SPIRE1: variants seen among roughly 807,000 people sequenced by gnomAD.
SPIRE1 encodes spire type actin nucleation factor 1.
Under a neutral mutation model 94.1 loss-of-function variants are expected in SPIRE1, and 40 were observed. The ratio of observed to expected loss-of-function variants is 0.43; its 90% CI spans 0.33 to 0.55. SPIRE1 has a LOEUF of 0.55. SPIRE1 is among the 20% of genes least tolerant of loss of function. The pLI, the probability that SPIRE1 is intolerant of heterozygous loss-of-function variation, is 0.06. For synonymous variants in SPIRE1, 376 were observed against 371.7 expected (o/e 1.01, Z -0.13); for missense variants, 838 against 975.2 (o/e 0.86, Z 1.87).
At chr18:12,652,013 G>A (rs1331300700) in intron 1 of SPIRE1, among the ~76,000 whole-genome samples, 6 of 152,078 alleles carry the variant, frequency 3.9e-5, no homozygotes, top group Non-Finnish European at 8.8e-5. Flanking sequence ...CTAAACTAAA[G>A]GTACATCAAA....
intron 2 of SPIRE1, among the ~76,000 whole-genome samples, chr18:12,604,189 C>G (rs1407200016): frequency 6.6e-6 from 1 of 152,160 alleles, no homozygotes; most frequent in African/African-American, 2.4e-5. Context: ...CAATTTAGAA[C>G]AGATGGGTCA....
intron 8 of SPIRE1, among the ~76,000 whole-genome samples, chr18:12,489,223 G>A (rs1392438323): frequency 2.0e-5 from 3 of 152,066 alleles, no homozygotes; most frequent in Middle Eastern, 3.4e-3. Flanking sequence ...AACTTATCTC[G>A]GAAAAGTTTT....
intron 2 of SPIRE1, among the ~76,000 whole-genome samples, chr18:12,564,037 A>G (rs1359628614): frequency 6.6e-6 from 1 of 152,208 alleles, no homozygotes; most frequent in Non-Finnish European, 1.5e-5. Context: ...ATGTTGCATA[A>G]AAGGGGCTTT....
At chr18:12,605,035 G>A (rs915938435) in intron 2 of SPIRE1, among the ~76,000 whole-genome samples, 3 of 151,822 alleles carry the variant, frequency 2.0e-5, no homozygotes, top group Admixed American at 6.5e-5. Flanking sequence ...ATGAGTAACT[G>A]GTCAAATGCA....
chr18:12,563,862 T>C (rs9946557), intron 2 of SPIRE1, among the ~76,000 whole-genome samples: 12,761 of 152,234 alleles, frequency 0.084, 685 homozygotes, highest in Middle Eastern at 0.16. Flanking sequence ...TCTATTTTTA[T>C]GTACAAAAGC....
At chr18:12,609,210 C>T (rs566075548) in intron 2 of SPIRE1, among the ~76,000 whole-genome samples, 3 of 152,108 alleles carry the variant, frequency 2.0e-5, no homozygotes, top group Admixed American at 6.6e-5. Flanking sequence ...GTCTGTGGCC[C>T]GGGGATTGCA....
intron 2 of SPIRE1, among the ~76,000 whole-genome samples, chr18:12,567,667 TAACAA>T (rs2035850978): frequency 2.6e-5 from 4 of 152,148 alleles, no homozygotes; most frequent in Admixed American, 2.6e-4. Context: ...GGGGAAGGAT[TAACAA>T]AATATAAATT....
Position 12,637,358 on chromosome 18 carries a change from CAA to C in SPIRE1, c.338-2264_338-2263del, listed in dbSNP as rs55649398. Among the ~76,000 whole-genome samples, 38 of 101,808 alleles carry C rather than the reference CAA, an allele frequency of 3.7e-4. 1 individual carries two copies. Among genetic ancestry groups the C allele is most frequent in the South Asian group, 6.3e-4 (2 of 3,158 alleles). 66.8% of individuals were successfully genotyped at this position (101,808 alleles called of 152,430 possible). A position where few individuals can be genotyped will look rare whatever the true frequency, so the allele number is the denominator to read the frequency against. On this transcript the variant is annotated intron_variant, in intron 1 of 16. Transcript: ENST00000409402. ...TGGGTGACAGAGTGAGACTCTGTCTCAAAAAAAAAAAAAAAAAAGAGTATGTG... is the reference window on the plus strand; with the variant it reads ...TGGGTGACAGAGTGAGACTCTGTCTCAAAAAAAAAAAAAAAAGAGTATGTG...
upstream of SPIRE1, chr18:12,661,436 G>A: frequency 1.4e-6 from 1 of 716,468 alleles, no homozygotes; most frequent in Non-Finnish European, 1.7e-6. Flanking sequence ...GCACCCCTGT[G>A]GAATAACAGC....
intron 2 of SPIRE1, among the ~76,000 whole-genome samples, chr18:12,602,665 A>T (rs2036869668): frequency 6.6e-6 from 1 of 152,226 alleles, no homozygotes; most frequent in Non-Finnish European, 1.5e-5. Flanking sequence ...AGAAGCAGCC[A>T]GGAGGCTGCA....
chr18:12,619,849 A>G (rs1306550448), intron 2 of SPIRE1, among the ~76,000 whole-genome samples: 5 of 45,578 alleles, frequency 1.1e-4, no homozygotes, highest in South Asian at 9.3e-4. Flanking sequence ...CTGCCTCAGG[A>G]AAAAAAAAAA....
chr18:12,577,653 C>A (rs1276065909), intron 2 of SPIRE1, among the ~76,000 whole-genome samples: 1 of 152,064 alleles, frequency 6.6e-6, no homozygotes, highest in Non-Finnish European at 1.5e-5. Context: ...AAAAAGTTGA[C>A]AAATTAGAGT....
Position 12,545,204 on chromosome 18 carries a change from T to C in SPIRE1, c.603+1470A>G, listed in dbSNP as rs368163954. The stretch of plus-strand genomic sequence containing the variant: ...ACCTTAACATCTAGAAAACATAACA[T>C]AAATAAAACACATCAAATTTCTATT... On this transcript the variant is annotated intron_variant, in intron 3 of 16. Coordinates refer to ENST00000409402, the MANE Select transcript of SPIRE1 (RefSeq NM_001128626.2). 8.5e-5 allele frequency among the ~76,000 whole-genome samples: 13 copies of C among 152,340 alleles called. No individual in the cohort carries two copies. In the East Asian group the frequency reaches 1.3e-3, roughly 16 times the overall value.
chr18:12,556,991 T>C (rs1352172585), intron 2 of SPIRE1, among the ~76,000 whole-genome samples: 1 of 152,196 alleles, frequency 6.6e-6, no homozygotes, highest in African/African-American at 2.4e-5. Flanking sequence ...TTGGTCTCTT[T>C]TGACAGGGTG....
intron 2 of SPIRE1, among the ~76,000 whole-genome samples, chr18:12,615,211 C>T (rs2144705265): frequency 6.7e-6 from 1 of 149,308 alleles, no homozygotes; most frequent in Non-Finnish European, 1.5e-5. Flanking sequence ...ACCTGTAATC[C>T]TAGCTACTCA....
In SPIRE1 at chr18:12,463,238, A is replaced by T. The variant is rs2031943022; in HGVS notation, c.1638+113T>A. On this transcript the variant is annotated intron_variant, in intron 12 of 16. Transcript: ENST00000409402. ...TTAGCTATTAAGTAAGTTATTCAAAATTCATTCTAACTTTTGCAAGTTTTT... is the reference window on the plus strand; with the variant it reads ...TTAGCTATTAAGTAAGTTATTCAAATTTCATTCTAACTTTTGCAAGTTTTT... 4.5e-6 allele frequency: 5 copies of T among 1,112,912 alleles called. No homozygotes were observed. In the South Asian group the frequency reaches 1.1e-4, roughly 24 times the overall value. The allele number at this position is 1,112,912 out of a possible 1,614,324, so 68.9% of individuals were successfully genotyped here.
chr18:12,641,891 G>A (rs925734522), intron 1 of SPIRE1, among the ~76,000 whole-genome samples: 12 of 143,678 alleles, frequency 8.4e-5, no homozygotes, highest in East Asian at 4.1e-4. Context: ...GGAGTGCAGT[G>A]CATGATCTTG....
chr18:12,629,251 G>GA (rs917280263), intron 2 of SPIRE1, among the ~76,000 whole-genome samples: 21 of 151,984 alleles, frequency 1.4e-4, no homozygotes, highest in Non-Finnish European at 2.8e-4. Context: ...TGGAAAGCTG[G>GA]AAAAAAACCA....
chr18:12,639,855 C>A (rs547950755), intron 1 of SPIRE1, among the ~76,000 whole-genome samples: 1 of 151,224 alleles, frequency 6.6e-6, no homozygotes, highest in Non-Finnish European at 1.5e-5. Context: ...GGCAACAGAG[C>A]CAGACATTGT....
Sources: gnomAD v4.1 joint callset for allele counts (sites outside exome capture counted in the v4.1 genomes callset) on GRCh38, gnomAD v4.1.1 for gene constraint, MANE v1.5 for transcripts, NCBI Gene and HGNC (gene_info 2026-07-23, HGNC 2026-07-21) for gene names.